Variants in ATF2 observed in about 807,000 individuals in gnomAD.
ATF2 encodes activating transcription factor 2, also known as cyclic AMP-dependent transcription factor ATF-2.
ATF2 carries 24 observed loss-of-function variants against 60.6 expected under a neutral mutation model. The observed-to-expected ratio is 0.40, with a 90% CI of 0.29 to 0.56. ATF2 has a LOEUF of 0.56. Among genes scored for constraint, ATF2 ranks in the 20% least tolerant of loss-of-function variants. The probability of loss-of-function intolerance (pLI) is 0.54; values close to 1 mark genes in which losing one functional copy is unlikely to be tolerated. For synonymous variants in ATF2, 206 were observed against 215.4 expected, an observed-to-expected ratio of 0.96 and a Z score of 0.38; for missense variants, 433 against 607.7, an observed-to-expected ratio of 0.71 and a Z score of 3.02.
At chr2:175,134,571 A>G (rs1698001193) in intron 3 of ATF2, among the ~76,000 whole-genome samples, 1 of 152,058 alleles carries the variant, frequency 6.6e-6, no homozygotes. Context: ...GAAAGAAAAA[A>G]GATCAGTGTG....
Position 175,118,276 on chromosome 2 carries a change from T to C in ATF2, c.293A>G (p.Lys98Arg). 1 of 1,609,260 alleles carries C rather than the reference T, an allele frequency of 6.2e-7. No individual in the cohort carries two copies. Among genetic ancestry groups the C allele is most frequent in the Non-Finnish European group, 8.5e-7 (1 of 1,177,926 alleles). ...TTTTTTAATGTCATCTTCTGAAGCT[T>C]TCTTGAATTCATTCTCAAATGGACT... ...LASPFENEFK[K>R]ASEDDIKKMP... The change falls in exon 6 of 14, where the codon AAA becomes AGA. Residue 98 changes from lysine (K) to arginine (R), a missense_variant. Around this residue, in one of 5 missense-constraint regions of ATF2, gnomAD observed 246 missense variants for 309.3 expected, o/e 0.80. Transcript: ENST00000264110.
chr2:175,139,372 G>A (rs1011105189), intron 2 of ATF2, among the ~76,000 whole-genome samples: 3 of 152,148 alleles, frequency 2.0e-5, no homozygotes, highest in Admixed American at 6.6e-5. Context: ...TACGCTCCAA[G>A]GTTTTAAAGA....
Position 175,074,767 on chromosome 2 carries a change from G to A in ATF2, c.1360C>T (p.His454Tyr). ...PSSPHTEAIQ[H>Y]SSVSTSNGVS... ...CCATTGGATGTGCTGACCGAACTAT[G>A]CTGTATAGCTTCTGTATGTGGACTA... Residue 454 changes from histidine to tyrosine, a missense_variant, in exon 14 of 14, where the codon CAT becomes TAT. Around this residue, in one of 5 missense-constraint regions of ATF2, gnomAD observed 114 missense variants for 104.0 expected, o/e 1.10. Coordinates refer to ENST00000264110, the MANE Select transcript of ATF2 (RefSeq NM_001880.4). The A allele has an allele frequency of 6.2e-7, 1 of 1,613,570 alleles. No individual in the cohort carries two copies.
chr2:175,121,091 C>CA (rs1696928516), intron 5 of ATF2, among the ~76,000 whole-genome samples: 1 of 151,924 alleles, frequency 6.6e-6, no homozygotes, highest in East Asian at 1.9e-4. Context: ...TATCTTCACA[C>CA]AGCCTTGTAA....
At chr2:175,082,055 C>A (rs1693797085) in intron 12 of ATF2, among the ~76,000 whole-genome samples, 1 of 152,022 alleles carries the variant, frequency 6.6e-6, no homozygotes, top group Non-Finnish European at 1.5e-5. Flanking sequence ...GAGACTCCGT[C>A]TCAAAAAAAA....
intron 2 of ATF2, among the ~76,000 whole-genome samples, chr2:175,141,294 T>G (rs1336833052): frequency 1.3e-5 from 2 of 151,496 alleles, no homozygotes; most frequent in Admixed American, 1.3e-4. Flanking sequence ...TCATTTCACA[T>G]CCTACAAAAA....
intron 11 of ATF2, among the ~76,000 whole-genome samples, chr2:175,095,117 A>G (rs1484050256): frequency 7.0e-6 from 1 of 143,754 alleles, no homozygotes; most frequent in East Asian, 2.0e-4. Context: ...TTTTTTTTTG[A>G]GATGGAGTCT....
At chr2:175,103,647 CAA>C (rs968886722) in intron 10 of ATF2, among the ~76,000 whole-genome samples, 3 of 141,228 alleles carry the variant, frequency 2.1e-5, no homozygotes, top group African/African-American at 7.9e-5. Flanking sequence ...CCACTGTGTG[CAA>C]AGATATTTCT....
Position 175,106,191 on chromosome 2 carries a change from A to C in ATF2, c.828+5377T>G, listed in dbSNP as rs116034888. 1.3e-3 allele frequency among the ~76,000 whole-genome samples: 191 copies of C among 152,330 alleles called. 1 individual carries two copies. Among genetic ancestry groups the C allele is most frequent in the African/African-American group, 4.5e-3 (185 of 41,572 alleles). Reference sequence around the variant, plus strand: ...CACTAAAAGAAAATAGACAGTAGAAATATACGTACCTCTCTCTCTAACAAA... The same window carrying C: ...CACTAAAAGAAAATAGACAGTAGAACTATACGTACCTCTCTCTCTAACAAA... On this transcript the variant is annotated intron_variant, in intron 10 of 13. Coordinates refer to ENST00000264110, the MANE Select transcript of ATF2 (RefSeq NM_001880.4).
At chr2:175,077,164 A>G (rs1443772395) in intron 13 of ATF2, among the ~76,000 whole-genome samples, 2 of 151,976 alleles carry the variant, frequency 1.3e-5, no homozygotes, top group Admixed American at 6.6e-5. Context: ...TCCATGATGT[A>G]TATGTGCCAC....
intron 13 of ATF2, among the ~76,000 whole-genome samples, chr2:175,077,661 G>C (rs1019658048): frequency 1.3e-5 from 2 of 152,148 alleles, no homozygotes; most frequent in Admixed American, 6.6e-5. Context: ...TAAATTATAA[G>C]GGATGAATGC....
At chr2:175,132,442 AT>A (rs1697798235) in intron 3 of ATF2, among the ~76,000 whole-genome samples, 1 of 152,094 alleles carries the variant, frequency 6.6e-6, no homozygotes, top group African/African-American at 2.4e-5. Flanking sequence ...TTCAGATACT[AT>A]TTTTTTCTCT....
At position 175,107,614 on chromosome 2, in the gene ATF2, G is replaced by A. The variant is rs574524103; in HGVS notation, c.828+3954C>T. On this transcript the variant is annotated intron_variant, in intron 10 of 13. Coordinates refer to ENST00000264110, the MANE Select transcript of ATF2 (RefSeq NM_001880.4). ...CTTTCCACGGTCTCCCTCTGATGCCGAGCCAAAGCTGGACTGTGCTGCCGC... is the reference window on the plus strand; with the variant it reads ...CTTTCCACGGTCTCCCTCTGATGCCAAGCCAAAGCTGGACTGTGCTGCCGC... 7.9e-4 allele frequency among the ~76,000 whole-genome samples: 120 copies of A among 152,168 alleles called. No homozygotes were observed. In the South Asian group the frequency reaches 0.022, roughly 28 times the overall value.
intron 10 of ATF2, among the ~76,000 whole-genome samples, chr2:175,109,579 A>G (rs927514011): frequency 1.3e-5 from 2 of 152,254 alleles, no homozygotes; most frequent in African/African-American, 4.8e-5. Context: ...TCTTGTAAAT[A>G]AAGGTATTTC....
At chr2:175,149,500 A>G (rs1164017136) in intron 2 of ATF2, among the ~76,000 whole-genome samples, 1 of 152,248 alleles carries the variant, frequency 6.6e-6, no homozygotes, top group Non-Finnish European at 1.5e-5. Flanking sequence ...TGGGCAGCAC[A>G]CTATGCATAA....
chr2:175,118,446 AT>A, intron 5 of ATF2, 77 bp from the exon 6 acceptor site: 1 of 1,199,556 alleles, frequency 8.3e-7, no homozygotes, highest in Non-Finnish European at 1.2e-6. Context: ...AAGTTAACAA[AT>A]TAGCAGGACT....
intron 4 of ATF2, among the ~76,000 whole-genome samples, chr2:175,122,748 C>T (rs1697057988): frequency 6.7e-6 from 1 of 148,674 alleles, no homozygotes; most frequent in Non-Finnish European, 1.5e-5. Context: ...TGAGCTCCTA[C>T]CGTGGTCCCC....
intron 11 of ATF2, among the ~76,000 whole-genome samples, chr2:175,093,499 T>A (rs1429212543): frequency 1.3e-5 from 2 of 152,272 alleles, no homozygotes; most frequent in East Asian, 3.9e-4. Flanking sequence ...TCACAGCAAA[T>A]GTATTCTTTA....
chr2:175,073,944 T>C lies in ATF2; in HGVS notation c.*665A>G, dbSNP rs1375168469. On this transcript the variant is annotated 3_prime_UTR_variant, in exon 14 of 14. Transcript: ENST00000264110. ...GAAATGCTGAAAATTCTAAAATTTGTTTACTTAAAATCTTAAATAAAAAAG... is the reference window on the plus strand; with the variant it reads ...GAAATGCTGAAAATTCTAAAATTTGCTTACTTAAAATCTTAAATAAAAAAG... The C allele has an allele frequency of 6.6e-6, 1 of 152,154 alleles. No homozygotes were observed. The highest frequency in any genetic ancestry group is 1.9e-4 in the East Asian group (1 of 5,200). 9.4% of individuals were successfully genotyped at this position (152,154 alleles called of 1,614,324 possible).
Sources: gnomAD v4.1 joint callset for allele counts (sites outside exome capture counted in the v4.1 genomes callset) on GRCh38, gnomAD v4.1.1 for gene constraint, gnomAD v4.1.1 regional missense constraint, MANE v1.5 for transcripts, NCBI Gene and HGNC (gene_info 2026-07-23, HGNC 2026-07-21) for gene names.